Variants in LCOR observed in about 807,000 individuals in gnomAD.
LCOR encodes ligand-dependent corepressor.
Under a neutral mutation model 64.4 loss-of-function variants are expected in LCOR, and 14 were observed. The observed-to-expected ratio is 0.22, with a 90% confidence interval of 0.14 to 0.34. The LOEUF is 0.34. LCOR is among the 10% of genes least tolerant of loss of function. The pLI is 1.00. For missense variants in LCOR, 1,686 were observed against 1,765.3 expected (o/e 0.96, Z 0.80); for synonymous variants, 643 against 642.5 (o/e 1.00, Z -0.01).
At chr10:96,907,887 G>A (rs1201725589) in intron 4 of LCOR, 140 bp downstream of exon 4, 2 of 172,002 alleles carry the variant, frequency 1.2e-5, no homozygotes, top group African/African-American at 4.8e-5. Flanking sequence ...GAGTTTGATA[G>A]TAATCCTGGG....
intron 6 of LCOR, among the ~76,000 whole-genome samples, chr10:96,951,824 T>G (rs1359317678): frequency 6.6e-6 from 1 of 152,164 alleles, no homozygotes; most frequent in Non-Finnish European, 1.5e-5. Context: ...TGAACTGCTA[T>G]TTCTAGTATT....
rs750854444 is a variant in LCOR at position 96,984,011 on chromosome 10, G to C, written c.3551G>C (p.Cys1184Ser). The change falls in exon 8 of 8, where the codon TGT becomes TCT. Residue 1184 changes from cysteine to serine, a missense_variant. Cys to Ser is a moderately radical substitution (Grantham distance 112, BLOSUM62 -1). Coordinates refer to ENST00000421806, the MANE Select transcript of LCOR (RefSeq NM_001346516.2). ...ACAAACTTTAAATTATCTAATGTTT[G>C]TAAATGGTTCTTAGAGACAACTGAA... Reference protein sequence around the residue: ...FMTNFKLSNVCKWFLETTETR... With the variant: ...FMTNFKLSNVSKWFLETTETR... 1 of 1,614,200 alleles carries C rather than the reference G, an allele frequency of 6.2e-7. No homozygotes were observed. The highest frequency in any genetic ancestry group is 2.2e-5 in the East Asian group (1 of 44,888).
At position 96,982,413 on chromosome 10, in the gene LCOR, A is replaced by C. The variant is rs759729191; in HGVS notation, c.1953A>C (p.Gln651His). Residue 651 changes from glutamine (Q) to histidine (H), a missense_variant, in exon 8 of 8, where the codon CAA becomes CAC. Transcript: ENST00000421806. ...ASGMSSPEHN[Q>H]PPVALLDTEE... ...GGATGTCTTCTCCTGAACACAACCA[A>C]CCACCAGTTGCACTGTTGGATACGG... The C allele has an allele frequency of 7.6e-5, 123 of 1,613,982 alleles. No homozygotes were observed. The highest frequency in any genetic ancestry group is 1.0e-4 in the Non-Finnish European group (122 of 1,180,024).
intron 2 of LCOR, among the ~76,000 whole-genome samples, chr10:96,875,930 C>T (rs1352554458): frequency 1.3e-5 from 2 of 151,666 alleles, no homozygotes; most frequent in Non-Finnish European, 2.9e-5. Flanking sequence ...TAAGATCTTG[C>T]TTTCAGAGAT....
intron 7 of LCOR, chr10:96,957,125 C>T: frequency 2.0e-6 from 2 of 984,632 alleles, no homozygotes; most frequent in Non-Finnish European, 2.4e-6. Flanking sequence ...CCTTTTTTAA[C>T]TGATCCAAAT....
At chr10:96,979,405 A>G (rs1179847556) in intron 7 of LCOR, among the ~76,000 whole-genome samples, 1 of 152,248 alleles carries the variant, frequency 6.6e-6, no homozygotes, top group East Asian at 1.9e-4. Flanking sequence ...CAAAGCAGCT[A>G]GTGAAAGGCC....
intron 2 of LCOR, among the ~76,000 whole-genome samples, chr10:96,853,368 T>C (rs1354549369): frequency 6.6e-6 from 1 of 152,196 alleles, no homozygotes; most frequent in African/African-American, 2.4e-5. Context: ...TTTAACATCA[T>C]AAACGGAAGA....
intron 4 of LCOR, among the ~76,000 whole-genome samples, chr10:96,924,902 T>C (rs1847141560): frequency 6.6e-6 from 1 of 152,154 alleles, no homozygotes. Flanking sequence ...ATATGAATCT[T>C]ACTCAAATTT....
At chr10:96,914,029 A>G (rs566523906) in intron 4 of LCOR, among the ~76,000 whole-genome samples, 2 of 152,198 alleles carry the variant, frequency 1.3e-5, no homozygotes, top group South Asian at 2.1e-4. Context: ...AACCAGTGAT[A>G]TGGTTGGAGC....
chr10:96,956,266 T>C (rs1847782075), intron 7 of LCOR: 1 of 1,006,750 alleles, frequency 9.9e-7, no homozygotes, highest in African/African-American at 1.7e-5. Flanking sequence ...TCTTAAGTTA[T>C]ATTTGTTTTT....
chr10:96,903,970 T>G (rs539114472), intron 2 of LCOR, among the ~76,000 whole-genome samples: 2 of 152,254 alleles, frequency 1.3e-5, no homozygotes, highest in East Asian at 3.9e-4. Flanking sequence ...TGTGACAAAT[T>G]TTATTTTACA....
At chr10:96,910,129 C>G (rs543821546) in intron 4 of LCOR, among the ~76,000 whole-genome samples, 1 of 152,100 alleles carries the variant, frequency 6.6e-6, no homozygotes, top group Non-Finnish European at 1.5e-5. Context: ...CCAGGCTGGA[C>G]TTAAGTGATC....
chr10:96,894,572 T>C (rs1299883075), intron 2 of LCOR, among the ~76,000 whole-genome samples: 1 of 152,206 alleles, frequency 6.6e-6, no homozygotes, highest in East Asian at 1.9e-4. Flanking sequence ...TTGAACCTTT[T>C]TGAGCAGGGG....
intron 7 of LCOR, among the ~76,000 whole-genome samples, chr10:96,968,789 G>A (rs1847971314): frequency 6.6e-6 from 1 of 152,054 alleles, no homozygotes; most frequent in Non-Finnish European, 1.5e-5. Flanking sequence ...CCAAAAATTA[G>A]CTGGCTTGGT....
intron 7 of LCOR, chr10:96,957,218 T>C (rs1411182780): frequency 1.0e-6 from 1 of 984,792 alleles, no homozygotes; most frequent in East Asian, 1.1e-4. Context: ...TTTTTCTGTT[T>C]TTGGCATCCT....
chr10:96,993,052 C>T lies in LCOR; in HGVS notation c.*7918C>T, dbSNP rs1382970074. 2 of 152,208 alleles carry T rather than the reference C, an allele frequency of 1.3e-5. No individual in the cohort carries two copies. Among genetic ancestry groups the T allele is most frequent in the African/African-American group, 4.8e-5 (2 of 41,434 alleles). The allele number at this position is 152,208 out of a possible 1,614,324, so 9.4% of individuals were successfully genotyped here. A position where few individuals can be genotyped will look rare whatever the true frequency, so the allele number is the denominator to read the frequency against. On this transcript the variant is annotated 3_prime_UTR_variant, in exon 8 of 8. Transcript: ENST00000421806. ...TGGTCAGCTTTACTTCTCAGGAGTC[C>T]TGTCCTACAATTCAGAGCACCCCTA...
In LCOR at chr10:96,985,022, G is replaced by A. The variant is rs768445669; in HGVS notation, c.4562G>A (p.Arg1521Gln). 1.9e-6 allele frequency: 3 copies of A among 1,614,054 alleles called. No individual in the cohort carries two copies. The highest frequency in any genetic ancestry group is 2.2e-5 in the East Asian group (1 of 44,890). The change falls in exon 8 of 8, where the codon CGG becomes CAG. Residue 1521 changes from arginine to glutamine, a missense_variant. Arg to Gln is a conservative substitution (Grantham distance 43, BLOSUM62 1). This residue lies in a region of LCOR where 1,293 missense variants were observed against 1,410.4 expected (regional missense o/e 0.92). Transcript: ENST00000421806. ...AGGAAGCAGAGTAGTGGAAAGACTCGGGCCAGACCCTCAACGAAAACCCCA... is the reference window on the plus strand; with the variant it reads ...AGGAAGCAGAGTAGTGGAAAGACTCAGGCCAGACCCTCAACGAAAACCCCA... ...TNRKQSSGKT[R>Q]ARPSTKTPES...
intron 7 of LCOR, among the ~76,000 whole-genome samples, chr10:96,952,780 A>G (rs892547794): frequency 1.3e-5 from 2 of 152,166 alleles, no homozygotes; most frequent in African/African-American, 4.8e-5. Context: ...CCCTAATTTT[A>G]TAGTATAAGA....
intron 4 of LCOR, among the ~76,000 whole-genome samples, chr10:96,942,446 G>A (rs1399786685): frequency 8.8e-6 from 1 of 113,132 alleles, no homozygotes; most frequent in African/African-American, 4.1e-5. Flanking sequence ...GGAGACCGTG[G>A]AGAGAGGGAG....
Sources: allele counts gnomAD v4.1 joint callset (sites outside exome capture counted in the v4.1 genomes callset), GRCh38; gene constraint gnomAD v4.1.1; regional missense constraint gnomAD v4.1.1; transcripts MANE v1.5; gene names NCBI Gene and HGNC (gene_info 2026-07-23, HGNC 2026-07-21).